Variants in GPHN observed in about 807,000 individuals in gnomAD.
The protein encoded by GPHN is gephyrin.
A neutral mutation model predicts 95.5 loss-of-function variants in GPHN; 17 were observed. The ratio of observed to expected loss-of-function variants is 0.18; its 90% CI spans 0.12 to 0.27. The LOEUF is 0.27. Ranked by LOEUF, GPHN falls within the 10% of genes least tolerant of loss-of-function variation. GPHN has a pLI of 1.00. For missense variants in GPHN, 660 were observed against 978.1 expected (o/e 0.67, Z 4.34); for synonymous variants, 320 against 322.5 (o/e 0.99, Z 0.08).
chr14:67,253,290 G>C, the GPHN span, among the ~76,000 whole-genome samples: 3 of 152,244 alleles, frequency 2.0e-5, no homozygotes, highest in African/African-American at 7.2e-5. Context: ...TTAGATAAGA[G>C]ATAGGAGTTG....
the GPHN span, among the ~76,000 whole-genome samples, chr14:67,201,187 G>A: frequency 3.9e-5 from 6 of 152,092 alleles, no homozygotes; most frequent in African/African-American, 7.2e-5. Flanking sequence ...CTAGCTACTC[G>A]GAAGGCTGAG....
At chr14:67,367,911 G>A in the GPHN span, among the ~76,000 whole-genome samples, 1 of 151,796 alleles carries the variant, frequency 6.6e-6, no homozygotes, top group South Asian at 2.1e-4. Context: ...AAAATATATA[G>A]GTAAATGTAA....
the GPHN span, among the ~76,000 whole-genome samples, chr14:67,242,182 T>A: frequency 6.6e-6 from 1 of 152,240 alleles, no homozygotes; most frequent in Admixed American, 6.5e-5. Flanking sequence ...ATTATGTAAC[T>A]TTCTAATGAT....
the GPHN span, chr14:67,663,191 C>T: frequency 6.6e-7 from 1 of 1,524,630 alleles, no homozygotes; most frequent in South Asian, 1.2e-5. Flanking sequence ...CTAATCTCCC[C>T]TTTGAACAAA....
intron 9 of GPHN, among the ~76,000 whole-genome samples, chr14:66,968,748 G>T (rs1260135307): frequency 6.6e-6 from 1 of 152,068 alleles, no homozygotes; most frequent in Admixed American, 6.5e-5. Context: ...CATTAAATAA[G>T]TCTTTGCCTG....
intron 13 of GPHN, among the ~76,000 whole-genome samples, chr14:67,109,145 T>C (rs1201230792): frequency 1.3e-5 from 2 of 152,166 alleles, no homozygotes; most frequent in Non-Finnish European, 2.9e-5. Context: ...AAAAGTACAG[T>C]AGAAAATATG....
At chr14:66,844,262 T>A (rs1376076567) in intron 4 of GPHN, among the ~76,000 whole-genome samples, 1 of 152,184 alleles carries the variant, frequency 6.6e-6, no homozygotes, top group Admixed American at 6.5e-5. Flanking sequence ...ACCTTTGAAA[T>A]TGATATTTTC....
the GPHN span, among the ~76,000 whole-genome samples, chr14:67,421,556 C>T: frequency 3.2e-4 from 48 of 152,200 alleles, no homozygotes; most frequent in African/African-American, 1.1e-3. Flanking sequence ...AAAGTGATGA[C>T]GGCAGCAAGA....
intron 8 of GPHN, among the ~76,000 whole-genome samples, chr14:66,927,997 C>G (rs1167083896): frequency 6.6e-6 from 1 of 152,108 alleles, no homozygotes; most frequent in African/African-American, 2.4e-5. Flanking sequence ...CTGTAGTTTT[C>G]TTTTTATGAT....
chr14:67,458,363 T>G, the GPHN span, among the ~76,000 whole-genome samples: 1 of 152,154 alleles, frequency 6.6e-6, no homozygotes, highest in Admixed American at 6.5e-5. Context: ...TCTGGTTCGT[T>G]CAACAAATGT....
At chr14:66,661,417 T>G (rs2065640462) in intron 1 of GPHN, among the ~76,000 whole-genome samples, 1 of 152,024 alleles carries the variant, frequency 6.6e-6, no homozygotes, top group African/African-American at 2.4e-5. Flanking sequence ...CCAGACTGCT[T>G]CTTTAAGAGG....
intron 17 of GPHN, among the ~76,000 whole-genome samples, chr14:67,139,571 C>T (rs2080326384): frequency 1.3e-5 from 2 of 152,198 alleles, no homozygotes; most frequent in African/African-American, 4.8e-5. Context: ...CCATTTACTG[C>T]TCTATCTACA....
In GPHN at chr14:67,181,305, C is replaced by G; in HGVS notation, c.*368C>G. 2.3e-6 allele frequency: 1 copy of G among 432,736 alleles called. No individual in the cohort carries two copies. Among genetic ancestry groups the G allele is most frequent in the East Asian group, 4.1e-5 (1 of 24,142 alleles). The allele number at this position is 432,736 out of a possible 1,614,324, so 26.8% of individuals were successfully genotyped here. On this transcript the variant is annotated 3_prime_UTR_variant, in exon 23 of 23. Transcript: ENST00000478722. Reference sequence around the variant, plus strand: ...TATGCTCTTAAATCAAGGCTGTCTGCTTATTTATACTAGCGTAGGCAACAC... The same window carrying G: ...TATGCTCTTAAATCAAGGCTGTCTGGTTATTTATACTAGCGTAGGCAACAC...
the GPHN span, among the ~76,000 whole-genome samples, chr14:67,488,327 C>T: frequency 2.0e-5 from 3 of 152,374 alleles, no homozygotes; most frequent in African/African-American, 7.2e-5. Flanking sequence ...AGTGAAAGGG[C>T]AGGAGTGGGG....
chr14:66,724,765 T>C (rs1240038935), intron 2 of GPHN, among the ~76,000 whole-genome samples: 1 of 152,224 alleles, frequency 6.6e-6, no homozygotes, highest in Non-Finnish European at 1.5e-5. Flanking sequence ...TGTGATAGCA[T>C]GTACTGAACT....
At chr14:67,365,431 T>A in the GPHN span, among the ~76,000 whole-genome samples, 1 of 152,232 alleles carries the variant, frequency 6.6e-6, no homozygotes, top group Non-Finnish European at 1.5e-5. Flanking sequence ...ATTTTAGGGA[T>A]CTTTTATATA....
At chr14:66,729,566 G>A (rs951301171) in intron 2 of GPHN, among the ~76,000 whole-genome samples, 2 of 152,080 alleles carry the variant, frequency 1.3e-5, no homozygotes, top group African/African-American at 4.8e-5. Context: ...GATCTTTCTT[G>A]GATGATGGAA....
intron 8 of GPHN, among the ~76,000 whole-genome samples, chr14:66,964,971 A>T (rs2069214587): frequency 6.6e-6 from 1 of 152,198 alleles, no homozygotes; most frequent in Non-Finnish European, 1.5e-5. Flanking sequence ...ACTGCCTCTC[A>T]TATTAAAAAG....
chr14:66,848,599 T>C (rs989761055), intron 4 of GPHN, among the ~76,000 whole-genome samples: 10 of 152,178 alleles, frequency 6.6e-5, no homozygotes, highest in Admixed American at 4.6e-4. Flanking sequence ...GCATATGATA[T>C]GTGTTCAACT....
Sources: gnomAD v4.1 joint callset for allele counts (sites outside exome capture counted in the v4.1 genomes callset) on GRCh38, gnomAD v4.1.1 for gene constraint, MANE v1.5 for transcripts, NCBI Gene and HGNC (gene_info 2026-07-23, HGNC 2026-07-21) for gene names.